The following HCN1 variants were observed in gnomAD, a reference collection of about 807,000 sequenced individuals.
The protein encoded by HCN1 is potassium/sodium hyperpolarization-activated cyclic nucleotide-gated channel 1.
A neutral mutation model predicts 78.9 loss-of-function variants in HCN1; 13 were observed. The ratio of observed to expected loss-of-function variants is 0.16; its 90% confidence interval spans 0.11 to 0.26. The LOEUF is 0.26. Among genes scored for constraint, HCN1 ranks in the 10% least tolerant of loss-of-function variants. HCN1 has a pLI of 1.00. For missense variants in HCN1, 810 were observed against 1,154.3 expected (o/e 0.70, Z 4.32); for synonymous variants, 552 against 455.5 (o/e 1.21, Z -2.70).
At chr5:45,451,241 T>A (rs1037398555) in intron 3 of HCN1, among the ~76,000 whole-genome samples, 2 of 152,164 alleles carry the variant, frequency 1.3e-5, no homozygotes, top group African/African-American at 4.8e-5. Context: ...TGTATAAAAA[T>A]CTGTATTTAT....
intron 1 of HCN1, among the ~76,000 whole-genome samples, chr5:45,690,237 TA>T (rs1306931750): frequency 2.6e-5 from 4 of 152,094 alleles, no homozygotes; most frequent in African/African-American, 9.6e-5. Context: ...TTTATATAAA[TA>T]AAATTATAAG....
intron 2 of HCN1, among the ~76,000 whole-genome samples, chr5:45,574,113 C>T (rs186077098): frequency 6.3e-4 from 96 of 152,054 alleles, no homozygotes; most frequent in Non-Finnish European, 6.3e-4. Flanking sequence ...TACCATGATG[C>T]TATATAGCTA....
At chr5:45,686,821 C>T (rs1046896288) in intron 1 of HCN1, among the ~76,000 whole-genome samples, 2 of 152,162 alleles carry the variant, frequency 1.3e-5, no homozygotes, top group African/African-American at 4.8e-5. Context: ...TTTACCGCCC[C>T]AGTCTGGACT....
chr5:45,600,482 AC>A lies in HCN1; in HGVS notation c.849+44702del, dbSNP rs542043176. Among the ~76,000 whole-genome samples, 14 of 152,240 alleles carry A rather than the reference AC, an allele frequency of 9.2e-5. No homozygotes were observed. The East Asian group carries it at 1.9e-3, about 21-fold the overall frequency. ...TTTTAGTTGCTGTAAGAACTTCAGAACCTGTGAAAATATTCTTTTGCATGTA... is the reference window on the plus strand; with the variant it reads ...TTTTAGTTGCTGTAAGAACTTCAGAACTGTGAAAATATTCTTTTGCATGTA... On this transcript the variant is annotated intron_variant, in intron 2 of 7. Coordinates refer to ENST00000303230, the MANE Select transcript of HCN1 (RefSeq NM_021072.4).
intron 1 of HCN1, among the ~76,000 whole-genome samples, chr5:45,679,578 G>A (rs183329581): frequency 8.5e-5 from 13 of 152,122 alleles, no homozygotes; most frequent in Admixed American, 7.2e-4. Context: ...GTCACACAGC[G>A]TATTTTGTGA....
chr5:45,593,298 TCTCTCTC>T, intron 2 of HCN1, among the ~76,000 whole-genome samples: 1 of 97,850 alleles, frequency 1.0e-5, no homozygotes, highest in Non-Finnish European at 2.2e-5. Flanking sequence ...ATATTCTCTC[TCTCTCTC>T]TCTCTCTCTC....
At chr5:45,295,290 G>T (rs1745466012) in intron 6 of HCN1, among the ~76,000 whole-genome samples, 1 of 151,844 alleles carries the variant, frequency 6.6e-6, no homozygotes, top group Non-Finnish European at 1.5e-5. Context: ...TAATTTCCAG[G>T]TTTCTTTATT....
intron 3 of HCN1, among the ~76,000 whole-genome samples, chr5:45,399,743 C>G (rs1445314401): frequency 6.6e-6 from 1 of 152,022 alleles, no homozygotes; most frequent in Non-Finnish European, 1.5e-5. Flanking sequence ...CCCCATTTAG[C>G]TGAAAGGATT....
At chr5:45,586,287 A>C (rs1054861285) in intron 2 of HCN1, among the ~76,000 whole-genome samples, 11 of 152,172 alleles carry the variant, frequency 7.2e-5, no homozygotes, top group Non-Finnish European at 1.2e-4. Context: ...CTGTGCTAAC[A>C]GTGAGTGAGG....
At chr5:45,302,230 T>A (rs968682313) in intron 6 of HCN1, among the ~76,000 whole-genome samples, 1 of 151,938 alleles carries the variant, frequency 6.6e-6, no homozygotes, top group Non-Finnish European at 1.5e-5. Context: ...GGTGCCCCCA[T>A]GTTGTTCTCA....
At chr5:45,271,834 C>T (rs1329977516) in intron 6 of HCN1, among the ~76,000 whole-genome samples, 1 of 152,096 alleles carries the variant, frequency 6.6e-6, no homozygotes, top group Non-Finnish European at 1.5e-5. Context: ...ACTTGCACAA[C>T]AAAGTCCCTT....
chr5:45,376,610 G>T (rs1579855118), intron 4 of HCN1, among the ~76,000 whole-genome samples: 1 of 151,706 alleles, frequency 6.6e-6, no homozygotes, highest in Non-Finnish European at 1.5e-5. Context: ...GTGATTTAAA[G>T]TTTGCAAAGA....
At position 45,695,824 on chromosome 5, in the gene HCN1, C is replaced by T. The variant is rs886043090; in HGVS notation, c.270G>A (p.Gln90=). 6.8e-6 allele frequency: 11 copies of T among 1,607,152 alleles called. No individual in the cohort carries two copies. The highest frequency in any genetic ancestry group is 1.7e-5 in the Admixed American group (1 of 59,834). ...GFEDAEGPRR[Q]YGFMQRQFTS... ...TGAACTGCCTCTGCATGAAGCCGTACTGCCGCCGGGGCCCCTCGGCGTCTT... is the reference window on the plus strand; with the variant it reads ...TGAACTGCCTCTGCATGAAGCCGTATTGCCGCCGGGGCCCCTCGGCGTCTT... The change falls in exon 1 of 8, where the codon CAG becomes CAA. Residue 90 remains glutamine (Q), a synonymous_variant. Transcript: ENST00000303230.
intron 4 of HCN1, among the ~76,000 whole-genome samples, chr5:45,393,449 A>C (rs1238757120): frequency 6.6e-6 from 1 of 152,180 alleles, no homozygotes; most frequent in Non-Finnish European, 1.5e-5. Context: ...GGCTAGATGA[A>C]GTGCAATTAT....
intron 2 of HCN1, among the ~76,000 whole-genome samples, chr5:45,544,917 C>T (rs1397907384): frequency 6.6e-6 from 1 of 152,062 alleles, no homozygotes; most frequent in African/African-American, 2.4e-5. Context: ...CATATGTGTG[C>T]ATGTGTCTTT....
intron 3 of HCN1, among the ~76,000 whole-genome samples, chr5:45,455,126 T>C (rs1335776097): frequency 6.6e-6 from 1 of 152,012 alleles, no homozygotes; most frequent in South Asian, 2.1e-4. Flanking sequence ...CACCACTGGA[T>C]GAGTTAGAAA....
intron 6 of HCN1, among the ~76,000 whole-genome samples, chr5:45,291,164 C>A (rs1745365025): frequency 6.6e-6 from 1 of 151,956 alleles, no homozygotes; most frequent in South Asian, 2.1e-4. Context: ...CAGATCATTT[C>A]TTCTATTTCC....
At chr5:45,527,525 A>G (rs1361645964) in intron 2 of HCN1, among the ~76,000 whole-genome samples, 3 of 151,004 alleles carry the variant, frequency 2.0e-5, no homozygotes, top group African/African-American at 7.3e-5. Flanking sequence ...TCTGCCCATC[A>G]TTCTCATTCT....
chr5:45,289,720 A>C (rs192505695), intron 6 of HCN1, among the ~76,000 whole-genome samples: 7 of 152,168 alleles, frequency 4.6e-5, no homozygotes, highest in Admixed American at 4.6e-4. Flanking sequence ...TTCTTATTCT[A>C]TTCAGCACTG....
Sources: gnomAD v4.1 joint callset for allele counts (sites outside exome capture counted in the v4.1 genomes callset) on GRCh38, gnomAD v4.1.1 for gene constraint, MANE v1.5 for transcripts, NCBI Gene and HGNC (gene_info 2026-07-23, HGNC 2026-07-21) for gene names.